The following SNX9 variants were observed in gnomAD, a reference collection of about 807,000 sequenced individuals.
SNX9 encodes the protein sorting nexin 9, also known as sorting nexin-9.
In SNX9, 44 loss-of-function variants were observed where a neutral mutation model predicts 89.4. That is an observed-to-expected ratio of 0.49 (90% CI 0.39 to 0.63). The LOEUF (loss-of-function observed/expected upper bound fraction) is 0.63, where lower values mean the gene tolerates loss of function less well. Among genes scored for constraint, SNX9 ranks in the 30% least tolerant of loss-of-function variants. SNX9 has a pLI of 0.00. For missense variants in SNX9, 578 were observed against 736.1 expected (o/e 0.79, Z 2.49); for synonymous variants, 236 against 247.8 (o/e 0.95, Z 0.45).
chr6:157,926,671 A>G (rs1019471537), intron 10 of SNX9, among the ~76,000 whole-genome samples: 1 of 151,122 alleles, frequency 6.6e-6, no homozygotes, highest in Non-Finnish European at 1.5e-5. Context: ...AGTCCCAGCT[A>G]CTTGGGGGCT....
At chr6:157,941,618 C>T (rs1039368898) in intron 17 of SNX9, among the ~76,000 whole-genome samples, 1 of 152,226 alleles carries the variant, frequency 6.6e-6, no homozygotes, top group Non-Finnish European at 1.5e-5. Flanking sequence ...CCTCCGCTGG[C>T]GGCCTTGCTG....
At chr6:157,870,636 ACT>A (rs1305192332) in intron 2 of SNX9, among the ~76,000 whole-genome samples, 126 of 140,176 alleles carry the variant, frequency 9.0e-4, no homozygotes, top group African/African-American at 3.4e-3. Context: ...ACATACCCAC[ACT>A]CTCCTGCTCT....
At chr6:157,899,925 G>A (rs558391052) in intron 5 of SNX9, among the ~76,000 whole-genome samples, 42 of 149,612 alleles carry the variant, frequency 2.8e-4, no homozygotes, top group African/African-American at 9.3e-4. Flanking sequence ...ATGTGCAAGT[G>A]CGTGCCTGTG....
intron 3 of SNX9, among the ~76,000 whole-genome samples, 163 bp downstream of exon 3, chr6:157,873,339 A>T (rs1224260712): frequency 6.6e-6 from 1 of 151,032 alleles, no homozygotes; most frequent in African/African-American, 2.4e-5. Flanking sequence ...ATTGAAATAG[A>T]ACTAAGAAAA....
chr6:157,931,027 C>T (rs1366090101), intron 12 of SNX9, among the ~76,000 whole-genome samples: 1 of 152,206 alleles, frequency 6.6e-6, no homozygotes, highest in Non-Finnish European at 1.5e-5. Flanking sequence ...ACTCCATGTC[C>T]TGTGTAATTC....
chr6:157,875,342 C>T (rs981277462), intron 4 of SNX9, 166 bp downstream of exon 4: 29 of 925,704 alleles, frequency 3.1e-5, no homozygotes, highest in Non-Finnish European at 3.9e-5. Context: ...AAAGAAATCA[C>T]CTGTTAAGCC....
At chr6:157,844,545 A>C (rs1408628831) in intron 1 of SNX9, among the ~76,000 whole-genome samples, 4 of 151,794 alleles carry the variant, frequency 2.6e-5, no homozygotes, top group African/African-American at 9.7e-5. Context: ...CTCCAGCTAC[A>C]TGACTCCTAA....
At chr6:157,892,012 A>G (rs1024629418) in intron 4 of SNX9, among the ~76,000 whole-genome samples, 2 of 152,086 alleles carry the variant, frequency 1.3e-5, no homozygotes, top group African/African-American at 4.8e-5. Flanking sequence ...AGTGAGTGCT[A>G]ATGAAGGGAT....
intron 9 of SNX9, among the ~76,000 whole-genome samples, chr6:157,920,988 G>T (rs1783570978): frequency 6.6e-6 from 1 of 152,184 alleles, no homozygotes; most frequent in Non-Finnish European, 1.5e-5. Context: ...AAAAGCTATA[G>T]CCTTGGGTTA....
rs757466461 is a variant in SNX9, at chr6:157,896,956, T to G, written c.430T>G (p.Trp144Gly). 9.9e-6 allele frequency: 16 copies of G among 1,611,942 alleles called. No individual in the cohort carries two copies. In the East Asian group the frequency reaches 3.3e-4, roughly 34 times the overall value. ...AQRNTNTPNN[W>G]DTAFGHPQAY... The stretch of plus-strand genomic sequence containing the variant: ...AAGAAACACAAACACTCCCAACAAC[T>G]GGGACACTGCCTTCGGCCACCCCCA... The change falls in exon 5 of 18, where the codon TGG becomes GGG. Residue 144 changes from tryptophan (W) to glycine (G), a missense_variant. This residue lies in a region of SNX9 where 230 missense variants were observed against 244.7 expected (regional missense o/e 0.94). Coordinates refer to ENST00000392185, the MANE Select transcript of SNX9 (RefSeq NM_016224.5).
chr6:157,937,674 G>A, intron 15 of SNX9, 151 bp downstream of exon 15: 1 of 595,224 alleles, frequency 1.7e-6, no homozygotes. Context: ...TTTTGACATT[G>A]GTTTGGGGTG....
At chr6:157,914,116 G>A (rs1041022159) in intron 9 of SNX9, among the ~76,000 whole-genome samples, 1 of 152,190 alleles carries the variant, frequency 6.6e-6, no homozygotes, top group African/African-American at 2.4e-5. Flanking sequence ...AGCAATATAT[G>A]AGAGTATCAG....
At chr6:157,920,909 T>C (rs902163008) in intron 9 of SNX9, among the ~76,000 whole-genome samples, 1 of 152,236 alleles carries the variant, frequency 6.6e-6, no homozygotes, top group Non-Finnish European at 1.5e-5. Flanking sequence ...AATAGCAACT[T>C]CCATTATTGC....
At chr6:157,898,799 C>T (rs770472785) in intron 5 of SNX9, among the ~76,000 whole-genome samples, 4 of 152,158 alleles carry the variant, frequency 2.6e-5, no homozygotes, top group Non-Finnish European at 5.9e-5. Flanking sequence ...GCAAGGACCT[C>T]ACTTGTAAGC....
At chr6:157,915,326 A>G (rs1260491035) in intron 9 of SNX9, among the ~76,000 whole-genome samples, 2 of 152,108 alleles carry the variant, frequency 1.3e-5, no homozygotes, top group Admixed American at 1.3e-4. Context: ...GATATTTATA[A>G]TCATGCTGGA....
intron 3 of SNX9, 32 bp from the exon 4 acceptor site, chr6:157,875,019 T>C: frequency 6.2e-7 from 1 of 1,611,654 alleles, no homozygotes; most frequent in Non-Finnish European, 8.5e-7. Context: ...CCGTAATCTA[T>C]GAAAATAATT....
chr6:157,901,442 G>A (rs1783096225), intron 5 of SNX9, among the ~76,000 whole-genome samples: 1 of 152,174 alleles, frequency 6.6e-6, no homozygotes, highest in African/African-American at 2.4e-5. Flanking sequence ...CTTTTCCCCT[G>A]TGTTTCCTTC....
At chr6:157,826,916 A>AT (rs59317121) in intron 1 of SNX9, among the ~76,000 whole-genome samples, 3,494 of 12,442 alleles carry the variant, frequency 0.28, 59 homozygotes, top group East Asian at 0.34. Context: ...TAATATATAA[A>AT]ATATATTATA....
chr6:157,896,487 A>G (rs936722638), intron 4 of SNX9, among the ~76,000 whole-genome samples: 1 of 152,226 alleles, frequency 6.6e-6, no homozygotes, highest in Non-Finnish European at 1.5e-5. Flanking sequence ...GAAAACACAC[A>G]TAGGAATGGA....
Sources: gnomAD v4.1 joint callset for allele counts (sites outside exome capture counted in the v4.1 genomes callset) on GRCh38, gnomAD v4.1.1 for gene constraint, gnomAD v4.1.1 regional missense constraint, MANE v1.5 for transcripts, NCBI Gene and HGNC (gene_info 2026-07-23, HGNC 2026-07-21) for gene names.